Variants in SEPTIN9 observed in about 807,000 individuals in gnomAD.
The protein encoded by SEPTIN9 is septin-9.
A neutral mutation model predicts 56.6 loss-of-function variants in SEPTIN9; 13 were observed. The ratio of observed to expected loss-of-function variants is 0.23; its 90% CI spans 0.15 to 0.37. The LOEUF is 0.37. Among genes scored for constraint, SEPTIN9 ranks in the 10% least tolerant of loss-of-function variants. SEPTIN9 has a pLI of 1.00. For missense variants in SEPTIN9, 650 were observed against 823.1 expected (o/e 0.79, Z 2.57); for synonymous variants, 332 against 334.1 (o/e 0.99, Z 0.07).
In SEPTIN9 at chr17:77,369,150, C is replaced by G. The variant is rs962812093; in HGVS notation, c.77-32909C>G. Reference sequence around the variant, plus strand: ...TTGGGAGGCTGAGGCAGGAGAATCACTTGAACCTGGGAGGTGGAGTTTGCA... The same window carrying G: ...TTGGGAGGCTGAGGCAGGAGAATCAGTTGAACCTGGGAGGTGGAGTTTGCA... On this transcript the variant is annotated intron_variant, in intron 2 of 11. Transcript: ENST00000427177. This position sits in a 1 kb window ranked among gnomAD's most constrained non-coding sequence, Gnocchi z 4.9. 6.6e-6 allele frequency among the ~76,000 whole-genome samples: 1 copy of G among 152,176 alleles called. No individual in the cohort carries two copies. Among genetic ancestry groups the G allele is most frequent in the Non-Finnish European group, 1.5e-5 (1 of 68,028 alleles).
At chr17:77,346,925 A>G (rs1287042797) in intron 2 of SEPTIN9, among the ~76,000 whole-genome samples, 3 of 152,186 alleles carry the variant, frequency 2.0e-5, no homozygotes, top group African/African-American at 7.2e-5. Flanking sequence ...CAGGAAAAGG[A>G]CATCTCTGAA....
intron 2 of SEPTIN9, among the ~76,000 whole-genome samples, chr17:77,356,824 G>A (rs1489021001): frequency 6.8e-6 from 1 of 147,722 alleles, no homozygotes; most frequent in Non-Finnish European, 1.5e-5. Context: ...CAGGCGCTGA[G>A]CAGCCTCAGG....
chr17:77,343,638 G>A (rs1179845953), intron 2 of SEPTIN9, among the ~76,000 whole-genome samples: 1 of 152,220 alleles, frequency 6.6e-6, no homozygotes, highest in Non-Finnish European at 1.5e-5. Context: ...CTTACCACTT[G>A]CGACTGATCT....
intron 3 of SEPTIN9, among the ~76,000 whole-genome samples, chr17:77,480,641 G>T (rs1008448217): frequency 1.8e-4 from 28 of 152,316 alleles, no homozygotes; most frequent in African/African-American, 6.5e-4. Flanking sequence ...GCAGCCTCCC[G>T]TGCTGTGGCC....
In SEPTIN9 at chr17:77,329,765, CG is replaced by C. The variant is rs1306530538; in HGVS notation, c.76+22572del. On this transcript the variant is annotated intron_variant, in intron 2 of 11. Coordinates refer to ENST00000427177, the MANE Select transcript of SEPTIN9 (RefSeq NM_001113491.2). The surrounding 1 kb of genome is among the most constrained non-coding windows in gnomAD (Gnocchi z 4.3). ...TCAGGTTTCTTCCCAGCCTCTGACT[CG>C]GGGCAAGGTTCAGATATCCAGAACA... Among the ~76,000 whole-genome samples the C allele has an allele frequency of 6.6e-6, 1 of 152,142 alleles. No individual in the cohort carries two copies. The highest frequency in any genetic ancestry group is 2.4e-5 in the African/African-American group (1 of 41,424).
In SEPTIN9 at chr17:77,367,428, C is replaced by T. The variant is rs2034604815; in HGVS notation, c.77-34631C>T. ...TTCTGCAAAGGAAACTGCGCTTTGT[C>T]ATTGCACAGGATCGAACAGGTGTGT... On this transcript the variant is annotated intron_variant, in intron 2 of 11. Transcript: ENST00000427177. The surrounding 1 kb of genome is among the most constrained non-coding windows in gnomAD (Gnocchi z 4.5). 6.6e-6 allele frequency among the ~76,000 whole-genome samples: 1 copy of T among 152,210 alleles called. No individual in the cohort carries two copies. The highest frequency in any genetic ancestry group is 1.5e-5 in the Non-Finnish European group (1 of 68,046).
At chr17:77,390,655 G>A (rs2035509554) in intron 2 of SEPTIN9, among the ~76,000 whole-genome samples, 2 of 151,864 alleles carry the variant, frequency 1.3e-5, no homozygotes, top group East Asian at 2.0e-4. Flanking sequence ...GTTTCACTGT[G>A]TTAGCCAGGA....
At chr17:77,349,802 C>A (rs1223276766) in intron 2 of SEPTIN9, among the ~76,000 whole-genome samples, 2 of 152,174 alleles carry the variant, frequency 1.3e-5, no homozygotes, top group African/African-American at 4.8e-5. Flanking sequence ...ATGTTTTCTG[C>A]AGAATTGACC....
rs1350356283 is a variant in SEPTIN9 at position 77,450,333 on chromosome 17, A to C, written c.722-31811A>C. ...TAAGAGTGTGTGGAGCCCAGTCAGCACTCAACATGAGGTCCCGTGGGGGCT... is the reference window on the plus strand; with the variant it reads ...TAAGAGTGTGTGGAGCCCAGTCAGCCCTCAACATGAGGTCCCGTGGGGGCT... On this transcript the variant is annotated intron_variant, in intron 3 of 11. Transcript: ENST00000427177. This position sits in a 1 kb window ranked among gnomAD's most constrained non-coding sequence, Gnocchi z 6.0. 2.0e-5 allele frequency among the ~76,000 whole-genome samples: 3 copies of C among 152,146 alleles called. No individual in the cohort carries two copies. Among genetic ancestry groups the C allele is most frequent in the African/African-American group, 4.8e-5 (2 of 41,490 alleles).
At chr17:77,407,098 A>G (rs1012074138) in intron 3 of SEPTIN9, among the ~76,000 whole-genome samples, 7 of 152,072 alleles carry the variant, frequency 4.6e-5, no homozygotes. Flanking sequence ...CCTGGGCAAC[A>G]TAGAGAAACC....
At chr17:77,424,365 T>C (rs2036820764) in intron 3 of SEPTIN9, among the ~76,000 whole-genome samples, 1 of 152,258 alleles carries the variant, frequency 6.6e-6, no homozygotes, top group African/African-American at 2.4e-5. Flanking sequence ...TGTTTGAGCC[T>C]CTGGTCGAGC....
intron 2 of SEPTIN9, among the ~76,000 whole-genome samples, chr17:77,393,547 C>T (rs1460670436): frequency 6.6e-6 from 1 of 152,122 alleles, no homozygotes; most frequent in Non-Finnish European, 1.5e-5. Context: ...GTCACCCCTG[C>T]CGCGTGCCAT....
At chr17:77,355,661 A>AC in intron 2 of SEPTIN9, among the ~76,000 whole-genome samples, 1 of 152,124 alleles carries the variant, frequency 6.6e-6, no homozygotes, top group African/African-American at 2.4e-5. Flanking sequence ...AAGGACTTGG[A>AC]CCTGAGCAAC....
rs147186846 is a variant in SEPTIN9 at position 77,338,718 on chromosome 17, C to T, written c.76+31521C>T. 2.7e-4 allele frequency among the ~76,000 whole-genome samples: 41 copies of T among 152,288 alleles called. 1 individual carries two copies. The East Asian group carries it at 7.5e-3, about 28-fold the overall frequency. On this transcript the variant is annotated intron_variant, in intron 2 of 11. Transcript: ENST00000427177. ...ACAGGCGTGAGCCACTGCACCTGGC[C>T]GGCAGTTTCTTAACTGAAGTTTTTG...
At chr17:77,350,219 C>A (rs545767752) in intron 2 of SEPTIN9, among the ~76,000 whole-genome samples, 1 of 152,196 alleles carries the variant, frequency 6.6e-6, no homozygotes, top group Non-Finnish European at 1.5e-5. Context: ...TGGGTCGGCT[C>A]CTCACTAGAG....
chr17:77,329,607 G>A lies in SEPTIN9; in HGVS notation c.76+22410G>A, dbSNP rs148465743. ...ATCCCTCGTTCCTTCCTGTTTCGTG[G>A]GATGCTGAGTCTCTGGGCAGGGACA... is the stretch of plus-strand genomic sequence containing the variant. On this transcript the variant is annotated intron_variant, in intron 2 of 11. Transcript: ENST00000427177. This position sits in a 1 kb window ranked among gnomAD's most constrained non-coding sequence, Gnocchi z 4.3. 2.4e-4 allele frequency among the ~76,000 whole-genome samples: 37 copies of A among 152,184 alleles called. No individual in the cohort carries two copies. Among genetic ancestry groups the A allele is most frequent in the Middle Eastern group, 3.4e-3 (1 of 294 alleles).
At chr17:77,486,947 C>T (rs1314506716) in intron 4 of SEPTIN9, among the ~76,000 whole-genome samples, 1 of 152,196 alleles carries the variant, frequency 6.6e-6, no homozygotes, top group Non-Finnish European at 1.5e-5. Flanking sequence ...GGTGACTTGC[C>T]CAGGCCCTGG....
chr17:77,357,652 T>C (rs2034296594), intron 2 of SEPTIN9, among the ~76,000 whole-genome samples: 1 of 152,040 alleles, frequency 6.6e-6, no homozygotes. Flanking sequence ...TCTTGCTAGG[T>C]CACCTAGGCT....
intron 2 of SEPTIN9, among the ~76,000 whole-genome samples, chr17:77,316,234 G>A (rs1396700101): frequency 1.3e-5 from 2 of 152,186 alleles, no homozygotes; most frequent in African/African-American, 4.8e-5. Context: ...TACACCATGC[G>A]CGGTGAGAGG....
Sources: allele counts gnomAD v4.1 joint callset (sites outside exome capture counted in the v4.1 genomes callset), GRCh38; gene constraint gnomAD v4.1.1; non-coding constraint Gnocchi (gnomAD v3.1); transcripts MANE v1.5; gene names NCBI Gene and HGNC (gene_info 2026-07-23, HGNC 2026-07-21).